ROBO1: variants seen among roughly 807,000 people sequenced by gnomAD.
ROBO1 encodes the protein roundabout homolog 1.
ROBO1 carries 149 observed loss-of-function variants against 195.9 expected under a neutral mutation model. That is an observed-to-expected ratio of 0.76 (90% CI 0.67 to 0.87). The LOEUF (loss-of-function observed/expected upper bound fraction) is 0.87, where lower values mean the gene tolerates loss of function less well. Among genes scored for constraint, ROBO1 ranks in the 40% least tolerant of loss-of-function variants. ROBO1 has a pLI of 0.00. For synonymous variants in ROBO1, 816 were observed against 733.2 expected, an observed-to-expected ratio of 1.11 and a Z score of -1.82; for missense variants, 1,933 against 2,068.3, an observed-to-expected ratio of 0.93 and a Z score of 1.27.
intron 1 of ROBO1, among the ~76,000 whole-genome samples, chr3:79,764,970 A>G (rs141233210): frequency 7.2e-5 from 11 of 152,330 alleles, no homozygotes; most frequent in African/African-American, 2.6e-4. Context: ...GCTCAGTGCT[A>G]TATCACTGGA....
At chr3:79,730,187 A>G (rs1703086513) in intron 1 of ROBO1, among the ~76,000 whole-genome samples, 1 of 152,172 alleles carries the variant, frequency 6.6e-6, no homozygotes, top group Admixed American at 6.5e-5. Context: ...TAACCCAGGA[A>G]ATGCTATACT....
chr3:79,178,103 C>T (rs11925014), intron 2 of ROBO1, among the ~76,000 whole-genome samples: 13,405 of 152,168 alleles, frequency 0.088, 1,015 homozygotes, highest in African/African-American at 0.2. Flanking sequence ...ACTTTAGTTG[C>T]CTGCTCATAT....
chr3:79,625,803 T>C (rs1945160880), intron 1 of ROBO1, among the ~76,000 whole-genome samples: 1 of 152,174 alleles, frequency 6.6e-6, no homozygotes, highest in Non-Finnish European at 1.5e-5. Context: ...GTACGATTCC[T>C]TCTGAAATTA....
intron 5 of ROBO1, among the ~76,000 whole-genome samples, chr3:78,726,584 A>G (rs2082167141): frequency 6.6e-6 from 1 of 152,216 alleles, no homozygotes; most frequent in African/African-American, 2.4e-5. Context: ...TCCTTAAACA[A>G]TTCACCACTA....
intron 3 of ROBO1, among the ~76,000 whole-genome samples, chr3:79,076,976 C>T (rs2079184897): frequency 6.6e-6 from 1 of 151,758 alleles, no homozygotes; most frequent in African/African-American, 2.4e-5. Context: ...CGTTTTATTT[C>T]TTGTTCTTAT....
intron 3 of ROBO1, among the ~76,000 whole-genome samples, chr3:79,098,660 A>G (rs1158566673): frequency 1.3e-5 from 2 of 151,880 alleles, no homozygotes; most frequent in Non-Finnish European, 2.9e-5. Flanking sequence ...TAGTCTTAAA[A>G]ATAGATTATA....
rs1184320327 is a variant in ROBO1 at position 78,798,935 on chromosome 3, C to T, written c.500-52035G>A. Among the ~76,000 whole-genome samples the T allele has an allele frequency of 2.0e-5, 3 of 151,952 alleles. No homozygotes were observed. The South Asian group carries it at 6.2e-4, about 32-fold the overall frequency. ...AAGCTGGGAAGAGACATTTAGCTTTCCAGAAAGATAGAAAAATTACAAAAC... is the reference window on the plus strand; with the variant it reads ...AAGCTGGGAAGAGACATTTAGCTTTTCAGAAAGATAGAAAAATTACAAAAC... On this transcript the variant is annotated intron_variant, in intron 4 of 30. Coordinates refer to ENST00000464233, the MANE Select transcript of ROBO1 (RefSeq NM_002941.4).
intron 4 of ROBO1, among the ~76,000 whole-genome samples, chr3:78,887,076 AC>A (rs139426879): frequency 0.02 from 3,001 of 152,300 alleles, 46 homozygotes; most frequent in Non-Finnish European, 0.025. Context: ...TATTTTGACC[AC>A]CTTATTATGT....
chr3:79,738,550 T>C (rs1703489714), intron 1 of ROBO1, among the ~76,000 whole-genome samples: 1 of 152,142 alleles, frequency 6.6e-6, no homozygotes, highest in South Asian at 2.1e-4. Context: ...AAGTTATTCG[T>C]GTGAGAACTG....
intron 29 of ROBO1, among the ~76,000 whole-genome samples, chr3:78,604,151 A>G (rs1227015927): frequency 6.6e-6 from 1 of 151,614 alleles, no homozygotes; most frequent in Non-Finnish European, 1.5e-5. Flanking sequence ...GCTCACTGCA[A>G]TCTCCTCCTC....
At chr3:79,502,103 C>G (rs540243877) in intron 2 of ROBO1, among the ~76,000 whole-genome samples, 3 of 152,294 alleles carry the variant, frequency 2.0e-5, no homozygotes, top group African/African-American at 4.8e-5. Context: ...TGGCAGCCCT[C>G]GCAGCCCTCA....
intron 2 of ROBO1, among the ~76,000 whole-genome samples, chr3:79,419,641 A>C (rs564083711): frequency 1.3e-5 from 2 of 152,262 alleles, no homozygotes; most frequent in South Asian, 4.1e-4. Context: ...CTCTGATGAC[A>C]GGAATTGATG....
At chr3:78,627,275 T>G in intron 26 of ROBO1, 46 bp downstream of exon 26, 1 of 1,584,470 alleles carries the variant, frequency 6.3e-7, no homozygotes. Flanking sequence ...CACTGAGGAG[T>G]AGAAATTATC....
intron 2 of ROBO1, among the ~76,000 whole-genome samples, chr3:79,170,193 G>A: frequency 6.6e-6 from 1 of 151,980 alleles, no homozygotes; most frequent in Non-Finnish European, 1.5e-5. Flanking sequence ...GGGGCAAATG[G>A]AACCTTCAAG....
At chr3:78,873,612 T>G (rs188453357) in intron 4 of ROBO1, among the ~76,000 whole-genome samples, 60 of 152,250 alleles carry the variant, frequency 3.9e-4, no homozygotes, top group African/African-American at 1.3e-3. Flanking sequence ...TTGAATCATA[T>G]AAAGGGCTCA....
At chr3:79,060,589 C>A (rs527881481) in intron 3 of ROBO1, among the ~76,000 whole-genome samples, 1 of 151,562 alleles carries the variant, frequency 6.6e-6, no homozygotes, top group South Asian at 2.1e-4. Context: ...GGGGCTGGTT[C>A]CCCCCATAAT....
At chr3:79,577,404 T>C (rs919731007) in intron 2 of ROBO1, among the ~76,000 whole-genome samples, 1 of 152,200 alleles carries the variant, frequency 6.6e-6, no homozygotes, top group African/African-American at 2.4e-5. Flanking sequence ...GAAGAGTTTT[T>C]GGTATAACAC....
At chr3:79,749,014 G>A (rs954329283) in intron 1 of ROBO1, among the ~76,000 whole-genome samples, 2 of 152,168 alleles carry the variant, frequency 1.3e-5, no homozygotes. Context: ...GGAATAGTTT[G>A]GAGGGCTGAG....
chr3:79,554,494 T>C (rs1451290651), intron 2 of ROBO1, among the ~76,000 whole-genome samples: 1 of 151,988 alleles, frequency 6.6e-6, no homozygotes, highest in Non-Finnish European at 1.5e-5. Flanking sequence ...GAAATGGAAA[T>C]GTACAGTAGG....
Sources: allele counts gnomAD v4.1 joint callset (sites outside exome capture counted in the v4.1 genomes callset), GRCh38; gene constraint gnomAD v4.1.1; transcripts MANE v1.5; gene names NCBI Gene and HGNC (gene_info 2026-07-23, HGNC 2026-07-21).